Variants in BAZ2A observed in about 807,000 individuals in gnomAD.
BAZ2A encodes bromodomain adjacent to zinc finger domain 2A, also known as bromodomain adjacent to zinc finger domain protein 2A.
In BAZ2A, 34 loss-of-function variants were observed where a neutral mutation model predicts 199.9. The ratio of observed to expected loss-of-function variants is 0.17; its 90% CI spans 0.13 to 0.23. The LOEUF is 0.23. BAZ2A is among the 10% of genes least tolerant of loss of function. The pLI, the probability that BAZ2A is intolerant of heterozygous loss-of-function variation, is 1.00. For synonymous variants in BAZ2A, 857 were observed against 883.9 expected (o/e 0.97, Z 0.54); for missense variants, 2,002 against 2,391.1 (o/e 0.84, Z 3.39).
rs756875470 is a variant in BAZ2A at position 56,600,241 on chromosome 12, T to C, written c.4852A>G (p.Ser1618Gly). 6.2e-7 allele frequency: 1 copy of C among 1,613,954 alleles called. No homozygotes were observed. The highest frequency in any genetic ancestry group is 1.1e-5 in the South Asian group (1 of 91,084). The change falls in exon 24 of 29, where the codon AGC becomes GGC. Residue 1618 changes from serine to glycine, a missense_variant. This residue lies in a region of BAZ2A where 1,081 missense variants were observed against 1,274.7 expected (regional missense o/e 0.85). Coordinates refer to ENST00000549884, the MANE Select transcript of BAZ2A (RefSeq NM_001300905.2). ...HEVVLEKALL[S>G]TPNGAPEGTT... ...CCCTCAGGGGCACCATTAGGTGTGC[T>C]AAGCAGGGCCTTCTCCAGCACAACC...
At chr12:56,605,464 C>A in intron 13 of BAZ2A, 137 bp from the exon 14 acceptor site, 2 of 973,182 alleles carry the variant, frequency 2.1e-6, no homozygotes, top group African/African-American at 1.7e-5. Flanking sequence ...CTCTGTCACC[C>A]AAGCTGGAGT....
intron 1 of BAZ2A, 136 bp downstream of exon 1, chr12:56,629,989 G>T: frequency 1.6e-6 from 1 of 637,984 alleles, no homozygotes; most frequent in Non-Finnish European, 2.0e-6. Flanking sequence ...TTGGATCCTC[G>T]CAGGAAATAA....
intron 2 of BAZ2A, among the ~76,000 whole-genome samples, chr12:56,616,592 A>C (rs1273548647): frequency 6.6e-6 from 1 of 152,184 alleles, no homozygotes; most frequent in Non-Finnish European, 1.5e-5. Flanking sequence ...GGGATGGAGG[A>C]CAATCAATCA....
At chr12:56,604,004 C>A (rs916477881) in intron 16 of BAZ2A, among the ~76,000 whole-genome samples, 1 of 151,762 alleles carries the variant, frequency 6.6e-6, no homozygotes. Context: ...CAGAGGAAGA[C>A]TCCATCTCAA....
intron 10 of BAZ2A, 27 bp from the exon 11 acceptor site, chr12:56,606,760 C>G (rs1950368956): frequency 6.3e-7 from 1 of 1,594,044 alleles, no homozygotes; most frequent in African/African-American, 1.3e-5. Context: ...AAAAATGAAA[C>G]AAGTGAGGCA....
chr12:56,597,944 T>G lies in BAZ2A; in HGVS notation c.*674A>C, dbSNP rs1281270714. 1 of 151,692 alleles carries G rather than the reference T, an allele frequency of 6.6e-6. No homozygotes were observed. Among genetic ancestry groups the G allele is most frequent in the Non-Finnish European group, 1.5e-5 (1 of 67,798 alleles). The allele number at this position is 151,692 out of a possible 1,614,324, so 9.4% of individuals were successfully genotyped here. On this transcript the variant is annotated 3_prime_UTR_variant, in exon 29 of 29. Transcript: ENST00000549884. The stretch of plus-strand genomic sequence containing the variant: ...GACAGAAGACAGGGACCTCTGAACA[T>G]TTTTTTTTCCTTTGAAGGGAAAAGA...
Position 56,615,113 on chromosome 12 carries a change from T to C in BAZ2A, c.631A>G (p.Ile211Val), listed in dbSNP as rs374486003. ...FAPSQEVGSG[I>V]HPDEAAEKEM... is the part of the protein sequence containing the mutation. ...TTTTCTGCTGCCTCATCAGGATGGA[T>C]ACCACTGCCTACCTCCTGGGAGGGT... Residue 211 changes from isoleucine to valine, a missense_variant, in exon 3 of 29, where the codon ATC becomes GTC. Physicochemically the swap from Ile to Val is conservative, Grantham distance 29. Around this residue, in one of 6 missense-constraint regions of BAZ2A, gnomAD observed 641 missense variants for 694.5 expected, o/e 0.92. Transcript: ENST00000549884. The C allele has an allele frequency of 4.3e-6, 7 of 1,613,786 alleles. No individual in the cohort carries two copies. Among genetic ancestry groups the C allele is most frequent in the African/African-American group, 4.0e-5 (3 of 74,914 alleles).
intron 16 of BAZ2A, 125 bp from the exon 17 acceptor site, chr12:56,603,825 CAACA>C (rs1301131776): frequency 9.4e-7 from 1 of 1,065,990 alleles, no homozygotes; most frequent in Non-Finnish European, 1.3e-6. Context: ...CCAGCCTGGC[CAACA>C]TGGTGAAACC....
rs762853470 is a variant in BAZ2A at position 56,615,010 on chromosome 12, A to G, written c.730+4T>C. On this transcript the variant is annotated splice_donor_region_variant and intron_variant, in intron 3 of 28. Transcript: ENST00000549884. ...CCCCACCCAGTTCACCAACCCAGTT[A>G]TACCTGGCTGCTCTTCTTCCAGCTC... is the stretch of plus-strand genomic sequence containing the variant. 1.9e-6 allele frequency: 3 copies of G among 1,609,204 alleles called. No individual in the cohort carries two copies. The highest frequency in any genetic ancestry group is 2.5e-6 in the Non-Finnish European group (3 of 1,177,984).
intron 22 of BAZ2A, 29 bp from the exon 23 acceptor site, chr12:56,600,861 C>T: frequency 6.2e-7 from 1 of 1,611,814 alleles, no homozygotes; most frequent in Non-Finnish European, 8.5e-7. Flanking sequence ...GAGGGAGAGG[C>T]CCATCAGGCT....
At chr12:56,629,368 G>A (rs1951215463) in intron 1 of BAZ2A, among the ~76,000 whole-genome samples, 2 of 152,160 alleles carry the variant, frequency 1.3e-5, no homozygotes, top group Admixed American at 6.5e-5. Context: ...GGGATGATGC[G>A]GTATCATCTT....
chr12:56,617,635 C>G, intron 1 of BAZ2A, 103 bp from the exon 2 acceptor site: 1 of 1,287,440 alleles, frequency 7.8e-7, no homozygotes, highest in Non-Finnish European at 1.1e-6. Flanking sequence ...CACCTACTTA[C>G]CCTTCTCCTA....
In BAZ2A at chr12:56,609,811, G is replaced by A. The variant is rs1348920423; in HGVS notation, c.2017C>T (p.Arg673Trp). Reference sequence around the variant, plus strand: ...TCAGTGATTTTGACCTTAGGTGGCCGACCTCGACCCCGTTTCACCTTGGGG... The same window carrying A: ...TCAGTGATTTTGACCTTAGGTGGCCAACCTCGACCCCGTTTCACCTTGGGG... ...EVPKVKRGRG[R>W]PPKVKITELL... The change falls in exon 10 of 29, where the codon CGG (arginine) becomes TGG (tryptophan). Residue 673 changes from arginine (R) to tryptophan (W), a missense_variant. Arg to Trp is a moderately radical substitution (Grantham distance 101). Around this residue, in one of 6 missense-constraint regions of BAZ2A, gnomAD observed 1,081 missense variants for 1,274.7 expected, o/e 0.85. Coordinates refer to ENST00000549884, the MANE Select transcript of BAZ2A (RefSeq NM_001300905.2). 1.9e-6 allele frequency: 3 copies of A among 1,613,694 alleles called. No individual in the cohort carries two copies. Among genetic ancestry groups the A allele is most frequent in the African/African-American group, 1.3e-5 (1 of 74,882 alleles).
rs1436024778 is a variant in BAZ2A at position 56,629,773 on chromosome 12, C to A, written c.-3+352G>T. Among the ~76,000 whole-genome samples, 227 of 152,066 alleles carry A rather than the reference C, an allele frequency of 1.5e-3. 3 individuals carry two copies. Among genetic ancestry groups the A allele is most frequent in the Non-Finnish European group, 3.7e-4 (25 of 67,916 alleles). On this transcript the variant is annotated intron_variant, in intron 1 of 28. Coordinates refer to ENST00000549884, the MANE Select transcript of BAZ2A (RefSeq NM_001300905.2). The stretch of plus-strand genomic sequence containing the variant: ...CGCTCAGGCAATCCCCACCCCCACC[C>A]GAGGAGGTGGAGCCCCTCCCGGGGA...
At position 56,599,735 on chromosome 12, in the gene BAZ2A, T is replaced by C. The variant is rs766912092; in HGVS notation, c.5139A>G (p.Glu1713=). Residue 1713 remains glutamate, a synonymous_variant, in exon 26 of 29, where the codon GAA becomes GAG. Coordinates refer to ENST00000549884, the MANE Select transcript of BAZ2A (RefSeq NM_001300905.2). Reference sequence around the variant, plus strand: ...AACAGACAGTACAGAACCAATCTCCTTCTGGGACAGCCTCCATCTTGGGAC... The same window carrying C: ...AACAGACAGTACAGAACCAATCTCCCTCTGGGACAGCCTCCATCTTGGGAC... The part of the protein sequence containing the change: ...CHRPKMEAVP[E]GDWFCTVCLA... 1 of 1,613,980 alleles carries C rather than the reference T, an allele frequency of 6.2e-7. No individual in the cohort carries two copies. The highest frequency in any genetic ancestry group is 1.7e-5 in the Admixed American group (1 of 60,028).
intron 4 of BAZ2A, 96 bp downstream of exon 4, chr12:56,613,856 CT>C (rs1950635292): frequency 1.5e-6 from 2 of 1,344,564 alleles, no homozygotes; most frequent in Admixed American, 2.3e-5. Context: ...CCCAGTGCCC[CT>C]GATTGCCTAA....
rs748457582 is a variant in BAZ2A, at chr12:56,614,021, GGAA to G, written c.845_847del (p.Leu282del). On this transcript the variant is annotated inframe_deletion, in exon 4 of 29. Transcript: ENST00000549884. ...GATTGGAGTGTCTTCCAGTTGATCA[GGAA>G]GATGTGAAGGATCATCTAAACAGCT... 24 of 1,613,990 alleles carry G rather than the reference GGAA, an allele frequency of 1.5e-5. No individual in the cohort carries two copies. The highest frequency in any genetic ancestry group is 1.9e-5 in the Non-Finnish European group (23 of 1,179,870).
At chr12:56,633,744 T>G (rs1330526504), upstream of BAZ2A, among the ~76,000 whole-genome samples, 2 of 151,890 alleles carry the variant, frequency 1.3e-5, no homozygotes, top group African/African-American at 2.4e-5. Flanking sequence ...TGTTTGTTTG[T>G]TTTGTTTTGT....
At chr12:56,626,433 A>G (rs1951098412) in intron 1 of BAZ2A, among the ~76,000 whole-genome samples, 1 of 152,210 alleles carries the variant, frequency 6.6e-6, no homozygotes, top group Non-Finnish European at 1.5e-5. Flanking sequence ...GCAGGAAGAC[A>G]CTGTCAGTAA....
Sources: gnomAD v4.1 joint callset for allele counts (sites outside exome capture counted in the v4.1 genomes callset) on GRCh38, gnomAD v4.1.1 for gene constraint, gnomAD v4.1.1 regional missense constraint, MANE v1.5 for transcripts, NCBI Gene and HGNC (gene_info 2026-07-23, HGNC 2026-07-21) for gene names.